The following CLUAP1 variants were observed in gnomAD, a reference collection of about 807,000 sequenced individuals.
CLUAP1 encodes the protein intraflagellar transport 38, also known as clusterin-associated protein 1.
Under a neutral mutation model 55.0 loss-of-function variants are expected in CLUAP1, and 50 were observed. The ratio of observed to expected loss-of-function variants is 0.91; its 90% CI spans 0.72 to 1.15. The LOEUF (loss-of-function observed/expected upper bound fraction) is 1.15, where lower values mean the gene tolerates loss of function less well. Ranked by LOEUF, CLUAP1 falls within the 50% of genes most tolerant of loss-of-function variation. The pLI is 0.00. For missense variants in CLUAP1, 530 were observed against 507.6 expected (o/e 1.04, Z -0.42); for synonymous variants, 195 against 175.4 (o/e 1.11, Z -0.88).
chr16:3,505,264 C>T (rs552841803), intron 2 of CLUAP1, among the ~76,000 whole-genome samples: 1 of 152,338 alleles, frequency 6.6e-6, no homozygotes, highest in East Asian at 1.9e-4. Flanking sequence ...GGCGCAGTGG[C>T]TCACGCCTGT....
intron 8 of CLUAP1, 81 bp from the exon 9 acceptor site, chr16:3,526,331 A>C (rs1390404638): frequency 3.5e-6 from 3 of 850,160 alleles, no homozygotes; most frequent in Non-Finnish European, 3.4e-6. Flanking sequence ...CAAACTTAGC[A>C]GTCCTTACAC....
At chr16:3,515,814 C>G (rs894037262) in intron 6 of CLUAP1, among the ~76,000 whole-genome samples, 1 of 152,114 alleles carries the variant, frequency 6.6e-6, no homozygotes, top group Non-Finnish European at 1.5e-5. Flanking sequence ...AAAAATTGAT[C>G]AGTTTCAGTA....
At position 3,504,740 on chromosome 16, in the gene CLUAP1, G is replaced by A; in HGVS notation, c.43G>A (p.Ala15Thr). The A allele has an allele frequency of 6.2e-7, 1 of 1,608,618 alleles. No individual in the cohort carries two copies. Among genetic ancestry groups the A allele is most frequent in the South Asian group, 1.1e-5 (1 of 90,988 alleles). The change falls in exon 2 of 12, where the codon GCC becomes ACC. Residue 15 changes from alanine to threonine, a missense_variant. By Grantham distance (58) the Ala-to-Thr change is moderately conservative (BLOSUM62 0). Coordinates refer to ENST00000576634, the MANE Select transcript of CLUAP1 (RefSeq NM_015041.3). The part of the protein sequence containing the change: ...DLRNFTEMMR[A>T]LGYPRHISME... Reference sequence around the variant, plus strand: ...GACAGATTTCACAGAGATGATGAGAGCCCTGGGATACCCTCGACATATTTC... The same window carrying A: ...GACAGATTTCACAGAGATGATGAGAACCCTGGGATACCCTCGACATATTTC...
upstream of CLUAP1, among the ~76,000 whole-genome samples, chr16:3,500,562 G>A (rs1166621458): frequency 6.6e-6 from 1 of 152,032 alleles, no homozygotes; most frequent in African/African-American, 2.4e-5. Flanking sequence ...GTAGAGACGG[G>A]GTTTCGCCAT....
upstream of CLUAP1, among the ~76,000 whole-genome samples, chr16:3,500,072 C>G (rs573626167): frequency 1.5e-3 from 226 of 152,386 alleles, 1 homozygote; most frequent in Non-Finnish European, 2.4e-3. Flanking sequence ...AACCCGGCTG[C>G]TGTGCCACGC....
At chr16:3,510,583 G>A (rs566320082) in intron 4 of CLUAP1, among the ~76,000 whole-genome samples, 8 of 152,308 alleles carry the variant, frequency 5.3e-5, no homozygotes, top group African/African-American at 1.4e-4. Flanking sequence ...GCAGCCGTGC[G>A]GCAGAGCTTG....
intron 4 of CLUAP1, among the ~76,000 whole-genome samples, chr16:3,509,243 T>G (rs992156390): frequency 6.6e-6 from 1 of 152,026 alleles, no homozygotes; most frequent in Non-Finnish European, 1.5e-5. Flanking sequence ...AACGAGACCT[T>G]GTCTGGGGGG....
At chr16:3,512,878 C>T (rs1334353306) in intron 5 of CLUAP1, among the ~76,000 whole-genome samples, 4 of 152,238 alleles carry the variant, frequency 2.6e-5, no homozygotes, top group African/African-American at 9.6e-5. Flanking sequence ...GACAGGGTTT[C>T]ACCGTGTTAG....
the CLUAP1 span, chr16:3,495,596 C>G: frequency 7.0e-5 from 95 of 1,366,274 alleles, no homozygotes; most frequent in Non-Finnish European, 8.9e-5. Flanking sequence ...GTGCCCAAGG[C>G]AAGGGCAGGG....
chr16:3,513,611 G>A (rs922535927), intron 5 of CLUAP1, among the ~76,000 whole-genome samples: 8 of 151,966 alleles, frequency 5.3e-5, no homozygotes, highest in East Asian at 1.9e-4. Flanking sequence ...CACCACACCC[G>A]GCTAATTTTT....
intron 4 of CLUAP1, chr16:3,509,836 G>A (rs1329944231): frequency 6.6e-6 from 1 of 151,228 alleles, no homozygotes; most frequent in Non-Finnish European, 1.5e-5. Flanking sequence ...TTTTGTTTTT[G>A]TTTTGTTTTG....
At chr16:3,513,274 C>T (rs1241713374) in intron 5 of CLUAP1, among the ~76,000 whole-genome samples, 1 of 152,152 alleles carries the variant, frequency 6.6e-6, no homozygotes, top group Non-Finnish European at 1.5e-5. Flanking sequence ...GTGATTCTAA[C>T]AGCAGTTTGG....
At chr16:3,528,321 C>T (rs1234650680) in intron 9 of CLUAP1, among the ~76,000 whole-genome samples, 4 of 152,216 alleles carry the variant, frequency 2.6e-5, no homozygotes. Context: ...CACACTCTCT[C>T]TCTCTCTCTT....
chr16:3,527,241 AATCATTAGTTT>A (rs1470671551), intron 9 of CLUAP1, among the ~76,000 whole-genome samples: 3 of 152,154 alleles, frequency 2.0e-5, no homozygotes, highest in Admixed American at 1.3e-4. Context: ...GAATATCATT[AATCATTAGTTT>A]ATAGCAATTA....
At chr16:3,511,834 C>T (rs1411676832) in intron 4 of CLUAP1, among the ~76,000 whole-genome samples, 7 of 152,248 alleles carry the variant, frequency 4.6e-5, no homozygotes, top group Middle Eastern at 3.4e-3. Context: ...TTTGTGGTCA[C>T]GTGTCCCAAC....
At chr16:3,499,428 T>G (rs891836502), upstream of CLUAP1, among the ~76,000 whole-genome samples, 1 of 152,264 alleles carries the variant, frequency 6.6e-6, no homozygotes, top group Non-Finnish European at 1.5e-5. Context: ...CCATTTTATC[T>G]AGATTTAATT....
chr16:3,536,051 AG>A, intron 11 of CLUAP1, 70 bp from the exon 12 acceptor site: 2 of 1,558,826 alleles, frequency 1.3e-6, no homozygotes, highest in African/African-American at 2.7e-5. Flanking sequence ...AAAGGGAGGC[AG>A]AGAGTCTTAG....
chr16:3,504,222 G>C (rs563069175), intron 1 of CLUAP1, among the ~76,000 whole-genome samples: 10 of 151,932 alleles, frequency 6.6e-5, no homozygotes, highest in African/African-American at 2.4e-4. Context: ...TGTGTTATTT[G>C]GGTCCTATGT....
intron 4 of CLUAP1, among the ~76,000 whole-genome samples, chr16:3,509,127 G>A (rs1290713929): frequency 2.6e-5 from 4 of 152,112 alleles, no homozygotes; most frequent in African/African-American, 9.7e-5. Context: ...AGGCGTGGTG[G>A]TACACACCTG....
Sources: allele counts gnomAD v4.1 joint callset (sites outside exome capture counted in the v4.1 genomes callset), GRCh38; gene constraint gnomAD v4.1.1; transcripts MANE v1.5; gene names NCBI Gene and HGNC (gene_info 2026-07-23, HGNC 2026-07-21).